Variants in ROBO2 observed in about 807,000 individuals in gnomAD.
ROBO2 encodes roundabout homolog 2.
In ROBO2, 53 loss-of-function variants were observed where a neutral mutation model predicts 160.8. The observed-to-expected ratio is 0.33, with a 90% confidence interval of 0.26 to 0.41. The LOEUF is 0.41. Among genes scored for constraint, ROBO2 ranks in the 10% least tolerant of loss-of-function variants. ROBO2 has a pLI of 1.00. For missense variants in ROBO2, 1,577 were observed against 1,722.4 expected (o/e 0.92, Z 1.49); for synonymous variants, 664 against 611.7 (o/e 1.09, Z -1.26).
chr3:77,305,336 C>G (rs1379595192), intron 2 of ROBO2, among the ~76,000 whole-genome samples: 1 of 152,214 alleles, frequency 6.6e-6, no homozygotes, highest in Non-Finnish European at 1.5e-5. Flanking sequence ...ATTCTTCACT[C>G]TATTTCCTAG....
In ROBO2 at chr3:76,155,513, G is replaced by A. The variant is rs184133340; in HGVS notation, c.109+217911G>A. ...TGAAAGTACATTCAGGTGATAAATCGATTTAACAAATAAAACCAAACAAGA... is the reference window on the plus strand; with the variant it reads ...TGAAAGTACATTCAGGTGATAAATCAATTTAACAAATAAAACCAAACAAGA... On this transcript the variant is annotated intron_variant, in intron 2 of 26. Coordinates refer to the ROBO2 transcript ENST00000487694. Among the ~76,000 whole-genome samples the A allele has an allele frequency of 1.2e-4, 18 of 152,218 alleles. No individual in the cohort carries two copies. The East Asian group carries it at 3.5e-3, about 29-fold the overall frequency.
intron 2 of ROBO2, among the ~76,000 whole-genome samples, chr3:76,268,827 G>T (rs1405499133): frequency 6.6e-6 from 1 of 152,066 alleles, no homozygotes; most frequent in African/African-American, 2.4e-5. Context: ...ATGTAGCCCT[G>T]AGTCTCCAAG....
At chr3:77,550,899 A>T in exon 8 of ROBO2, 1 of 1,613,140 alleles carries the variant, frequency 6.2e-7, no homozygotes, top group Non-Finnish European at 8.5e-7. Flanking sequence ...AATCACCAAC[A>T]TTCAACGTTC....
Position 76,159,329 on chromosome 3 carries a change from A to G in ROBO2, c.109+221727A>G, listed in dbSNP as rs1328557382. 5.9e-5 allele frequency among the ~76,000 whole-genome samples: 9 copies of G among 152,220 alleles called. 1 individual carries two copies. Among genetic ancestry groups the G allele is most frequent in the Admixed American group, 2.6e-4 (4 of 15,280 alleles). ...AGAAAGAAACAGTTCTCTTGACAAT[A>G]CAAAGGACAGGTAGTCACTTCAAAC... On this transcript the variant is annotated intron_variant, in intron 2 of 26. Coordinates refer to the ROBO2 transcript ENST00000487694.
intron 2 of ROBO2, among the ~76,000 whole-genome samples, chr3:76,823,207 T>C (rs933469776): frequency 2.6e-5 from 4 of 152,164 alleles, no homozygotes; most frequent in Admixed American, 2.6e-4. Flanking sequence ...ATTTGATGGA[T>C]TCCTTGCTTT....
chr3:77,640,257 GC>G (rs1354667133), intron 24 of ROBO2, among the ~76,000 whole-genome samples: 6 of 151,844 alleles, frequency 4.0e-5, no homozygotes, highest in East Asian at 1.9e-4. Context: ...GACTAAAGGC[GC>G]CCGCCACCAC....
chr3:77,008,975 G>A (rs2061726364), intron 2 of ROBO2, among the ~76,000 whole-genome samples: 1 of 152,106 alleles, frequency 6.6e-6, no homozygotes, highest in Non-Finnish European at 1.5e-5. Flanking sequence ...TCTTTTGGAT[G>A]TGAACCCATT....
intron 2 of ROBO2, among the ~76,000 whole-genome samples, chr3:76,251,614 A>G (rs537661371): frequency 6.0e-4 from 91 of 152,248 alleles, no homozygotes; most frequent in African/African-American, 1.9e-3. Context: ...ACTATAGGAA[A>G]GAACTCATGA....
At chr3:76,306,779 A>G (rs892278536) in intron 2 of ROBO2, among the ~76,000 whole-genome samples, 3 of 152,222 alleles carry the variant, frequency 2.0e-5, no homozygotes, top group South Asian at 2.1e-4. Context: ...TGTTTGTTCA[A>G]TGAAGGAATG....
rs1401203515 is a variant in ROBO2 at position 76,323,162 on chromosome 3, C to CACACACACACACACAT, written c.109+385574_109+385575insATACACACACACACAC. On this transcript the variant is annotated intron_variant, in intron 2 of 26. Coordinates refer to the ROBO2 transcript ENST00000487694. ...TTACACACACACACACACACACACA[C>CACACACACACACACAT]ACACACACACACACCCCTAAAGGCT... Among the ~76,000 whole-genome samples the CACACACACACACACAT allele has an allele frequency of 2.0e-5, 3 of 151,602 alleles. No homozygotes were observed. The East Asian group carries it at 5.8e-4, about 29-fold the overall frequency.
At chr3:77,645,113 T>C (rs1265743209) in intron 25 of ROBO2, among the ~76,000 whole-genome samples, 3 of 152,230 alleles carry the variant, frequency 2.0e-5, no homozygotes, top group Admixed American at 2.0e-4. Flanking sequence ...CTATTTCACG[T>C]TGGATTTATG....
At chr3:77,638,784 A>G (rs1370942704) in intron 24 of ROBO2, among the ~76,000 whole-genome samples, 2 of 148,766 alleles carry the variant, frequency 1.3e-5, no homozygotes, top group Non-Finnish European at 1.5e-5. Context: ...TCTCCTAGAT[A>G]ATTTATTTCC....
At chr3:77,263,585 G>A (rs1040423299) in intron 2 of ROBO2, among the ~76,000 whole-genome samples, 10 of 152,070 alleles carry the variant, frequency 6.6e-5, no homozygotes, top group East Asian at 1.9e-4. Flanking sequence ...GGATATAATC[G>A]CGTTCTTTTA....
At chr3:76,335,655 G>T (rs1459874572) in intron 2 of ROBO2, among the ~76,000 whole-genome samples, 1 of 151,208 alleles carries the variant, frequency 6.6e-6, no homozygotes, top group Non-Finnish European at 1.5e-5. Flanking sequence ...TCGGCTCACT[G>T]CAAGCTCCAC....
chr3:77,460,191 G>A (rs953376380), intron 2 of ROBO2, among the ~76,000 whole-genome samples: 5 of 152,090 alleles, frequency 3.3e-5, no homozygotes, highest in South Asian at 2.1e-4. Context: ...TGGAGCTTAC[G>A]AATGGTCAGG....
At chr3:76,968,824 T>C (rs1460055073) in intron 2 of ROBO2, among the ~76,000 whole-genome samples, 2 of 152,230 alleles carry the variant, frequency 1.3e-5, no homozygotes, top group Non-Finnish European at 2.9e-5. Flanking sequence ...ATGTAGGTTA[T>C]ACTTTTTTCA....
intron 2 of ROBO2, among the ~76,000 whole-genome samples, chr3:77,346,391 T>C (rs1179842862): frequency 6.6e-6 from 1 of 152,112 alleles, no homozygotes; most frequent in Non-Finnish European, 1.5e-5. Flanking sequence ...CTGGGTCCAG[T>C]TTTATTACTC....
intron 2 of ROBO2, among the ~76,000 whole-genome samples, chr3:77,182,009 T>A (rs982875190): frequency 1.3e-5 from 2 of 152,110 alleles, no homozygotes; most frequent in Non-Finnish European, 2.9e-5. Flanking sequence ...TATCCTACTG[T>A]TATGAAAGTT....
chr3:77,472,927 G>A (rs900179197), intron 2 of ROBO2, among the ~76,000 whole-genome samples: 1 of 152,098 alleles, frequency 6.6e-6, no homozygotes, highest in Non-Finnish European at 1.5e-5. Flanking sequence ...AGTGTCCTTC[G>A]TCTGGGGTAA....
Sources: allele counts gnomAD v4.1 joint callset (sites outside exome capture counted in the v4.1 genomes callset), GRCh38; gene constraint gnomAD v4.1.1; transcripts MANE v1.5; gene names NCBI Gene and HGNC (gene_info 2026-07-23, HGNC 2026-07-21).